The following SPAG16 variants were observed in gnomAD, a reference collection of about 807,000 sequenced individuals.
SPAG16 encodes the protein sperm associated antigen 16.
SPAG16 carries 86 observed loss-of-function variants against 80.4 expected under a neutral mutation model. The observed-to-expected ratio is 1.07, with a 90% CI of 0.90 to 1.28. The LOEUF is 1.28. Ranked by LOEUF, SPAG16 falls within the 50% of genes most tolerant of loss-of-function variation. The pLI is 0.00. For missense variants in SPAG16, 870 were observed against 765.3 expected, an observed-to-expected ratio of 1.14 and a Z score of -1.61; for synonymous variants, 294 against 265.9, an observed-to-expected ratio of 1.11 and a Z score of -1.03.
chr2:213,374,869 G>C, intron 8 of SPAG16, 141 bp from the exon 9 acceptor site: 1 of 598,306 alleles, frequency 1.7e-6, no homozygotes, highest in East Asian at 3.0e-5. Flanking sequence ...AAAGCATTTG[G>C]TATGGTTTGG....
At chr2:213,534,044 T>C (rs951994162) in intron 10 of SPAG16, among the ~76,000 whole-genome samples, 32 of 152,142 alleles carry the variant, frequency 2.1e-4, no homozygotes, top group Non-Finnish European at 1.3e-4. Flanking sequence ...ATGATAAAAT[T>C]CATATGTAAG....
chr2:214,126,102 T>C (rs1403879262), intron 14 of SPAG16, among the ~76,000 whole-genome samples: 1 of 143,764 alleles, frequency 7.0e-6, no homozygotes, highest in Admixed American at 7.8e-5. Context: ...GTATAGCATT[T>C]CTTTCACCTG....
At chr2:213,366,563 A>C (rs1427954254) in intron 8 of SPAG16, among the ~76,000 whole-genome samples, 1 of 152,158 alleles carries the variant, frequency 6.6e-6, no homozygotes, top group Non-Finnish European at 1.5e-5. Flanking sequence ...CCCTTTATAA[A>C]ACCATCAGAT....
intron 9 of SPAG16, among the ~76,000 whole-genome samples, chr2:213,443,842 C>G (rs972637634): frequency 6.6e-6 from 1 of 152,054 alleles, no homozygotes; most frequent in African/African-American, 2.4e-5. Flanking sequence ...ATTTTGCAGA[C>G]CTGGATTTAC....
intron 10 of SPAG16, among the ~76,000 whole-genome samples, chr2:213,850,280 T>C (rs2074835863): frequency 1.3e-5 from 2 of 152,196 alleles, no homozygotes; most frequent in Non-Finnish European, 2.9e-5. Context: ...ATACCTTTCT[T>C]TATAAGGGTC....
At chr2:214,345,122 C>T (rs994259701) in intron 15 of SPAG16, among the ~76,000 whole-genome samples, 5 of 152,126 alleles carry the variant, frequency 3.3e-5, no homozygotes, top group African/African-American at 1.2e-4. Flanking sequence ...GACTACTGAA[C>T]CCGGTATCCC....
chr2:213,780,569 TTC>T (rs2069885199), intron 10 of SPAG16, among the ~76,000 whole-genome samples: 1 of 115,556 alleles, frequency 8.7e-6, no homozygotes, highest in East Asian at 3.2e-4. Context: ...TTTCTTTTCT[TTC>T]TTTTTTTTTT....
intron 12 of SPAG16, among the ~76,000 whole-genome samples, chr2:213,939,530 G>A (rs1260418845): frequency 1.3e-5 from 2 of 152,140 alleles, no homozygotes; most frequent in Admixed American, 1.3e-4. Context: ...CACCAATGAG[G>A]TGAACCTTAA....
At chr2:213,527,351 A>G (rs2125871528) in intron 10 of SPAG16, among the ~76,000 whole-genome samples, 1 of 152,326 alleles carries the variant, frequency 6.6e-6, no homozygotes, top group South Asian at 2.1e-4. Flanking sequence ...TAACATTCAT[A>G]TGCTTTGCAG....
chr2:214,374,317 A>C (rs1020476980), intron 15 of SPAG16, among the ~76,000 whole-genome samples: 1 of 152,232 alleles, frequency 6.6e-6, no homozygotes, highest in Non-Finnish European at 1.5e-5. Context: ...CAAGTAAGCA[A>C]ATTTGTCCAA....
intron 13 of SPAG16, among the ~76,000 whole-genome samples, chr2:214,057,167 T>C (rs1439123045): frequency 8.1e-6 from 1 of 123,204 alleles, no homozygotes; most frequent in Non-Finnish European, 1.6e-5. Context: ...TTCCAGAAGG[T>C]TTTCAGTTTA....
chr2:213,786,612 G>A (rs2070359274), intron 10 of SPAG16, among the ~76,000 whole-genome samples: 2 of 152,072 alleles, frequency 1.3e-5, no homozygotes, highest in Non-Finnish European at 2.9e-5. Context: ...CAAACACTTT[G>A]TGGCCTCAGA....
chr2:213,731,276 C>A (rs1339141723), intron 10 of SPAG16, among the ~76,000 whole-genome samples: 1 of 150,820 alleles, frequency 6.6e-6, no homozygotes, highest in African/African-American at 2.4e-5. Flanking sequence ...CCTGCCTCAG[C>A]CTCCTGAGTA....
chr2:213,483,536 G>C (rs144829788), intron 9 of SPAG16, among the ~76,000 whole-genome samples: 4 of 152,170 alleles, frequency 2.6e-5, no homozygotes, highest in African/African-American at 9.7e-5. Flanking sequence ...TTGTTGAGCA[G>C]ATGGATTCTC....
intron 13 of SPAG16, among the ~76,000 whole-genome samples, chr2:214,089,841 C>T (rs1010903103): frequency 2.0e-5 from 3 of 152,070 alleles, no homozygotes; most frequent in Non-Finnish European, 2.9e-5. Context: ...ATCCATAAAT[C>T]CCTTTACCAT....
At chr2:213,320,785 A>G (rs1344350945) in intron 5 of SPAG16, among the ~76,000 whole-genome samples, 1 of 152,024 alleles carries the variant, frequency 6.6e-6, no homozygotes. Context: ...TCCATTGTGT[A>G]TATGTGCCAC....
chr2:213,781,474 T>C (rs1489310544), intron 10 of SPAG16, among the ~76,000 whole-genome samples: 1 of 152,114 alleles, frequency 6.6e-6, no homozygotes, highest in Non-Finnish European at 1.5e-5. Context: ...AGCTCTGCTA[T>C]CTAGAGTGCT....
At chr2:213,394,787 T>C (rs1360769397) in intron 9 of SPAG16, among the ~76,000 whole-genome samples, 4 of 152,174 alleles carry the variant, frequency 2.6e-5, no homozygotes, top group African/African-American at 9.7e-5. Context: ...TGTTATTAAA[T>C]TGCTGAGTAG....
At position 213,324,397 on chromosome 2, in the gene SPAG16, A is replaced by G. The variant is rs1340930403; in HGVS notation, c.536+7041A>G. On this transcript the variant is annotated intron_variant, in intron 5 of 15. Coordinates refer to ENST00000331683, the MANE Select transcript of SPAG16 (RefSeq NM_024532.5). ...ATCTCAAGGTAGAACATTTTTATCT[A>G]TCCAGAAGTTTTCCTCATGTCCCTT... Among the ~76,000 whole-genome samples, 3 of 152,174 alleles carry G rather than the reference A, an allele frequency of 2.0e-5. No individual in the cohort carries two copies. The East Asian group carries it at 5.8e-4, about 29-fold the overall frequency.
Sources: allele counts gnomAD v4.1 joint callset (sites outside exome capture counted in the v4.1 genomes callset), GRCh38; gene constraint gnomAD v4.1.1; transcripts MANE v1.5; gene names NCBI Gene and HGNC (gene_info 2026-07-23, HGNC 2026-07-21).